The following DYNAP variants were observed in gnomAD, a reference collection of about 807,000 sequenced individuals.
The protein encoded by DYNAP is dynactin associated protein, also known as dynactin-associated protein.
In DYNAP, 7 loss-of-function variants were observed where a neutral mutation model predicts 8.5. The ratio of observed to expected loss-of-function variants is 0.82; its 90% CI spans 0.47 to 1.54. The LOEUF is 1.54. Ranked by LOEUF, DYNAP falls within the 40% of genes most tolerant of loss-of-function variation. DYNAP has a pLI of 0.01. For synonymous variants in DYNAP, 77 were observed against 77.9 expected (o/e 0.99, Z 0.06); for missense variants, 256 against 224.3 (o/e 1.14, Z -0.90).
At chr18:54,585,045 G>T (rs1047530498), upstream of DYNAP, among the ~76,000 whole-genome samples, 1 of 152,056 alleles carries the variant, frequency 6.6e-6, no homozygotes, top group Non-Finnish European at 1.5e-5. Context: ...TGGCTACCTT[G>T]AGAGGAATGA....
upstream of DYNAP, among the ~76,000 whole-genome samples, chr18:54,587,081 T>C (rs1485732331): frequency 6.6e-6 from 1 of 152,162 alleles, no homozygotes; most frequent in African/African-American, 2.4e-5. Context: ...TCCCCCATCA[T>C]CAACATTTCC....
chr18:54,585,735 C>A (rs544053785), upstream of DYNAP, among the ~76,000 whole-genome samples: 32 of 152,320 alleles, frequency 2.1e-4, no homozygotes, highest in African/African-American at 7.7e-4. Context: ...TTCATCACAG[C>A]CTTCTTCAGT....
At chr18:54,586,491 C>A (rs1416844088), upstream of DYNAP, among the ~76,000 whole-genome samples, 1 of 152,178 alleles carries the variant, frequency 6.6e-6, no homozygotes, top group Non-Finnish European at 1.5e-5. Flanking sequence ...CAGCACCACC[C>A]TGGCCATGCT....
chr18:54,598,339 A>C lies in DYNAP; in HGVS notation c.*194A>C. 1 of 577,578 alleles carries C rather than the reference A, an allele frequency of 1.7e-6. No homozygotes were observed. Among genetic ancestry groups the C allele is most frequent in the Admixed American group, 3.2e-5 (1 of 31,582 alleles). 35.8% of individuals were successfully genotyped at this position (577,578 alleles called of 1,614,324 possible). ...CTTAAACTTACTTGACAACTCAAATAATCACCACTTCGACCATCTCTTTGA... is the reference window on the plus strand; with the variant it reads ...CTTAAACTTACTTGACAACTCAAATCATCACCACTTCGACCATCTCTTTGA... On this transcript the variant is annotated 3_prime_UTR_variant, in exon 3 of 3. Transcript: ENST00000648945.
At chr18:54,587,846 A>C, upstream of DYNAP, 1 of 400,820 alleles carries the variant, frequency 2.5e-6, no homozygotes, top group Non-Finnish European at 4.4e-6. Context: ...AGTCACCCAA[A>C]AATGGAATAC....
At chr18:54,575,698 C>T in the DYNAP span, among the ~76,000 whole-genome samples, 64 of 152,208 alleles carry the variant, frequency 4.2e-4, no homozygotes, top group East Asian at 0.01. Context: ...CTCAGACTTC[C>T]AAAGCACTGG....
At chr18:54,576,732 A>C in the DYNAP span, among the ~76,000 whole-genome samples, 7 of 151,720 alleles carry the variant, frequency 4.6e-5, no homozygotes, top group African/African-American at 1.7e-4. Context: ...GAGCCCAGGA[A>C]GTCGAGGCTG....
intron 2 of DYNAP, 63 bp downstream of exon 2, chr18:54,595,166 G>T (rs894451955): frequency 3.4e-6 from 5 of 1,450,130 alleles, no homozygotes; most frequent in Middle Eastern, 1.9e-4. Context: ...CATGTACTTT[G>T]CCTATTCTTT....
chr18:54,598,026 A>G lies in DYNAP; in HGVS notation c.436A>G (p.Thr146Ala), dbSNP rs1337764685. The G allele has an allele frequency of 2.5e-6, 4 of 1,613,386 alleles. No individual in the cohort carries two copies. Among genetic ancestry groups the G allele is most frequent in the Admixed American group, 1.7e-5 (1 of 59,864 alleles). ...AACACCCTCTCCTGCTTGTCCACCT[A>G]CAATGACCACCACTTCAACTGTACC... is the stretch of plus-strand genomic sequence containing the variant. ...PGTPSPACPP[T>A]MTTTSTVPAS... Residue 146 changes from threonine (T) to alanine (A), a missense_variant, in exon 3 of 3, where the codon ACA becomes GCA. Transcript: ENST00000648945.
the DYNAP span, among the ~76,000 whole-genome samples, chr18:54,580,981 T>C: frequency 6.6e-6 from 1 of 152,248 alleles, no homozygotes; most frequent in South Asian, 2.1e-4. Flanking sequence ...AGGAAATCTT[T>C]ATTAACATGG....
At chr18:54,594,634 A>G (rs1034556235) in intron 1 of DYNAP, among the ~76,000 whole-genome samples, 1 of 152,112 alleles carries the variant, frequency 6.6e-6, no homozygotes, top group African/African-American at 2.4e-5. Context: ...CCTCTTCCTT[A>G]TAGAGGCTTC....
upstream of DYNAP, among the ~76,000 whole-genome samples, chr18:54,583,879 G>C (rs951609287): frequency 2.6e-5 from 4 of 151,918 alleles, no homozygotes; most frequent in African/African-American, 7.2e-5. Flanking sequence ...AAATAGCTTG[G>C]AATACAGATA....
At chr18:54,591,621 A>G (rs1472245697) in intron 1 of DYNAP, among the ~76,000 whole-genome samples, 2 of 152,136 alleles carry the variant, frequency 1.3e-5, no homozygotes, top group African/African-American at 2.4e-5. Flanking sequence ...AACTTTCTAT[A>G]TTCACCTTCA....
chr18:54,580,786 A>G, the DYNAP span, among the ~76,000 whole-genome samples: 1 of 152,236 alleles, frequency 6.6e-6, no homozygotes, highest in Non-Finnish European at 1.5e-5. Context: ...CCCATTTCCA[A>G]GCACCAGCGC....
chr18:54,589,779 T>C (rs1911000151), upstream of DYNAP, among the ~76,000 whole-genome samples: 1 of 152,156 alleles, frequency 6.6e-6, no homozygotes, highest in Non-Finnish European at 1.5e-5. Context: ...AAAATTGTAG[T>C]AATATTTTAA....
At chr18:54,596,988 T>A (rs1911319860) in intron 2 of DYNAP, among the ~76,000 whole-genome samples, 1 of 152,078 alleles carries the variant, frequency 6.6e-6, no homozygotes, top group African/African-American at 2.4e-5. Context: ...TTGTAATGTT[T>A]CAGACCTACT....
At chr18:54,593,927 C>G (rs116133575) in intron 1 of DYNAP, among the ~76,000 whole-genome samples, 1,654 of 152,028 alleles carry the variant, frequency 0.011, 30 homozygotes, top group African/African-American at 0.038. Context: ...GAGAGAGATC[C>G]CATCTCAACA....
In DYNAP at chr18:54,591,296, A is replaced by G; in HGVS notation, c.14A>G (p.His5Arg). Residue 5 changes from histidine (H) to arginine (R), a missense_variant, in exon 1 of 3, where the codon CAT becomes CGT. Transcript: ENST00000648945. ...GGCAGCTCAAGAATGGACAGAAAGC[A>G]TGGAAAATACATATTGAACGTTGAG... MDRKHGKYILNVEHS... is the reference protein window; with the variant it reads MDRKRGKYILNVEHS... 1 of 1,612,744 alleles carries G rather than the reference A, an allele frequency of 6.2e-7. No individual in the cohort carries two copies. The highest frequency in any genetic ancestry group is 8.5e-7 in the Non-Finnish European group (1 of 1,179,182).
chr18:54,578,671 C>T, the DYNAP span, among the ~76,000 whole-genome samples: 1 of 152,076 alleles, frequency 6.6e-6, no homozygotes, highest in East Asian at 1.9e-4. Flanking sequence ...AATCTTTCGC[C>T]TGGTTTTAAG....
Sources: allele counts gnomAD v4.1 joint callset (sites outside exome capture counted in the v4.1 genomes callset), GRCh38; gene constraint gnomAD v4.1.1; transcripts MANE v1.5; gene names NCBI Gene and HGNC (gene_info 2026-07-23, HGNC 2026-07-21).